Variants in DNAH11 observed in about 807,000 individuals in gnomAD.
The protein encoded by DNAH11 is dynein axonemal heavy chain 11.
Under a neutral mutation model 526.0 loss-of-function variants are expected in DNAH11, and 442 were observed. That is an observed-to-expected ratio of 0.84 (90% CI 0.78 to 0.91). The LOEUF (loss-of-function observed/expected upper bound fraction) is 0.91. Ranked by LOEUF, DNAH11 falls within the 40% of genes least tolerant of loss-of-function variation. The pLI is 0.00. For missense variants in DNAH11, 6,989 were observed against 5,448.7 expected, an observed-to-expected ratio of 1.28 and a Z score of -8.90; for synonymous variants, 2,461 against 1,935.9, an observed-to-expected ratio of 1.27 and a Z score of -7.12.
intron 20 of DNAH11, 66 bp downstream of exon 20, chr7:21,606,799 A>G: frequency 7.6e-7 from 1 of 1,316,536 alleles, no homozygotes; most frequent in Non-Finnish European, 1.1e-6. Context: ...AAGTTTAGAC[A>G]CAAAATACTG....
chr7:21,560,870 C>G (rs1014883880), intron 4 of DNAH11, among the ~76,000 whole-genome samples: 1 of 151,978 alleles, frequency 6.6e-6, no homozygotes, highest in Non-Finnish European at 1.5e-5. Flanking sequence ...ATTTAAAAAC[C>G]TAAATGCAAA....
At chr7:21,603,215 C>T (rs1362486382) in intron 18 of DNAH11, among the ~76,000 whole-genome samples, 1 of 152,190 alleles carries the variant, frequency 6.6e-6, no homozygotes, top group Non-Finnish European at 1.5e-5. Context: ...GGTTCATTCA[C>T]ATTGTAGCAT....
chr7:21,559,544 C>G (rs905592352), intron 3 of DNAH11, 59 bp from the exon 4 acceptor site: 8 of 1,347,372 alleles, frequency 5.9e-6, no homozygotes, highest in Non-Finnish European at 8.1e-6. Flanking sequence ...CTATTAAAGT[C>G]TATGTCTTTG....
chr7:21,630,367 C>G (rs981315532), intron 25 of DNAH11, among the ~76,000 whole-genome samples: 1 of 152,308 alleles, frequency 6.6e-6, no homozygotes, highest in South Asian at 2.1e-4. Flanking sequence ...AGTTACAGTA[C>G]TAGAATATTC....
chr7:21,619,294 A>G (rs1785929265), intron 24 of DNAH11, 72 bp downstream of exon 24: 11 of 1,537,780 alleles, frequency 7.2e-6, no homozygotes, highest in African/African-American at 1.4e-5. Context: ...AACTTAGAGA[A>G]AAGTCCTTTT....
chr7:21,594,305 T>C (rs1784793951), intron 14 of DNAH11, among the ~76,000 whole-genome samples: 2 of 152,196 alleles, frequency 1.3e-5, no homozygotes, highest in Non-Finnish European at 2.9e-5. Context: ...GTATCTTGTC[T>C]TTGCAGTCCA....
intron 45 of DNAH11, among the ~76,000 whole-genome samples, chr7:21,731,003 G>T (rs2128487500): frequency 6.6e-6 from 1 of 152,162 alleles, no homozygotes; most frequent in East Asian, 1.9e-4. Context: ...AAATAGCTAG[G>T]TGTGGTGGTG....
chr7:21,735,734 C>T lies in DNAH11; in HGVS notation c.7535C>T (p.Ala2512Val). 6.2e-7 allele frequency: 1 copy of T among 1,613,926 alleles called. No individual in the cohort carries two copies. Among genetic ancestry groups the T allele is most frequent in the South Asian group, 1.1e-5 (1 of 91,074 alleles). Residue 2512 changes from alanine (A) to valine (V), a missense_variant, in exon 46 of 82, where the codon GCA (alanine) becomes GTA (valine). Ala to Val is a moderately conservative substitution (Grantham distance 64). Coordinates refer to ENST00000409508, the MANE Select transcript of DNAH11 (RefSeq NM_001277115.2). ...KGKPLMLVGN[A>V]GVGKTVFVGD... ...AAACCTCTAATGCTAGTAGGAAATG[C>T]AGGAGTGGGAAAAACAGTCTTTGTA...
chr7:21,548,829 T>A (rs954370172), intron 2 of DNAH11, among the ~76,000 whole-genome samples: 1 of 151,894 alleles, frequency 6.6e-6, no homozygotes, highest in Non-Finnish European at 1.5e-5. Context: ...CTATGGAGAA[T>A]GAGGGAATTG....
At chr7:21,689,401 G>C in intron 34 of DNAH11, among the ~76,000 whole-genome samples, 1 of 152,188 alleles carries the variant, frequency 6.6e-6, no homozygotes, top group Non-Finnish European at 1.5e-5. Flanking sequence ...CCCATATGCA[G>C]ACAGCTCTGC....
chr7:21,794,108 T>G (rs1788602036), intron 61 of DNAH11, among the ~76,000 whole-genome samples: 1 of 152,248 alleles, frequency 6.6e-6, no homozygotes, highest in East Asian at 1.9e-4. Context: ...TTTTAAAAAA[T>G]TATTTCAATC....
chr7:21,796,251 G>T (rs1170686457), intron 61 of DNAH11, among the ~76,000 whole-genome samples: 3 of 152,150 alleles, frequency 2.0e-5, no homozygotes, highest in African/African-American at 7.2e-5. Context: ...GATTCAGTGG[G>T]CCCTAGCAGA....
chr7:21,885,169 T>TGTAAAAAAAAAAA lies in DNAH11; in HGVS notation c.12507+759_12507+760insGTAAAAAAAAAAA, dbSNP rs367811733. Among the ~76,000 whole-genome samples, 171 of 89,392 alleles carry TGTAAAAAAAAAAA rather than the reference T, an allele frequency of 1.9e-3. 38 individuals are homozygous for TGTAAAAAAAAAAA. The highest frequency in any genetic ancestry group is 3.0e-3 in the East Asian group (9 of 3,044). The allele number at this position is 89,392 out of a possible 152,430, so 58.6% of individuals were successfully genotyped here. A position where few individuals can be genotyped will look rare whatever the true frequency, so the allele number is the denominator to read the frequency against. On this transcript the variant is annotated intron_variant, in intron 76 of 81. Transcript: ENST00000409508. ...TATTTGGATCTTGTTCCAAATGAAC[T>TGTAAAAAAAAAAA]ATAAAAAAAAAAAAAAAAACACACA...
intron 74 of DNAH11, among the ~76,000 whole-genome samples, chr7:21,877,320 C>T (rs564608255): frequency 4.6e-5 from 7 of 152,190 alleles, no homozygotes; most frequent in African/African-American, 1.4e-4. Context: ...AGTAATCCTC[C>T]TGCCTCAGCC....
chr7:21,806,784 C>T (rs148097933), intron 62 of DNAH11, among the ~76,000 whole-genome samples: 81 of 152,256 alleles, frequency 5.3e-4, no homozygotes, highest in African/African-American at 1.8e-3. Context: ...TCAATCCATA[C>T]ATATTTATTG....
chr7:21,664,596 C>T (rs767297850), intron 30 of DNAH11, among the ~76,000 whole-genome samples: 37 of 151,924 alleles, frequency 2.4e-4, no homozygotes, highest in Admixed American at 1.3e-3. Context: ...GTAGCTAGGA[C>T]CACAGGTGCA....
intron 28 of DNAH11, among the ~76,000 whole-genome samples, chr7:21,649,523 T>A (rs1426449627): frequency 6.6e-6 from 1 of 152,184 alleles, no homozygotes; most frequent in African/African-American, 2.4e-5. Context: ...AGTGACATAA[T>A]ATCGAACTAT....
intron 18 of DNAH11, among the ~76,000 whole-genome samples, chr7:21,603,495 T>C (rs900606167): frequency 2.6e-5 from 4 of 152,250 alleles, no homozygotes; most frequent in Non-Finnish European, 4.4e-5. Flanking sequence ...TTTTTCACAG[T>C]GGCTGTTTTG....
chr7:21,630,354 C>G (rs1583545618), intron 25 of DNAH11, among the ~76,000 whole-genome samples: 1 of 152,122 alleles, frequency 6.6e-6, no homozygotes, highest in Admixed American at 6.5e-5. Flanking sequence ...GATTGCACAC[C>G]ATAGTTACAG....
Sources: allele counts gnomAD v4.1 joint callset (sites outside exome capture counted in the v4.1 genomes callset), GRCh38; gene constraint gnomAD v4.1.1; transcripts MANE v1.5; gene names NCBI Gene and HGNC (gene_info 2026-07-23, HGNC 2026-07-21).